Variants in CDIN1 observed in about 807,000 individuals in gnomAD.
The protein encoded by CDIN1 is CDAN1 interacting nuclease 1.
In CDIN1, 33 loss-of-function variants were observed where a neutral mutation model predicts 45.3. The observed-to-expected ratio is 0.73, with a 90% CI of 0.55 to 0.97. The LOEUF (loss-of-function observed/expected upper bound fraction) is 0.97. CDIN1 is among the 50% of genes least tolerant of loss of function. The pLI is 0.00. For missense variants in CDIN1, 303 were observed against 339.4 expected (o/e 0.89, Z 0.84); for synonymous variants, 118 against 124.4 (o/e 0.95, Z 0.34).
intron 10 of CDIN1, among the ~76,000 whole-genome samples, chr15:36,804,915 T>C (rs982343302): frequency 6.6e-6 from 1 of 151,858 alleles, no homozygotes; most frequent in Admixed American, 6.6e-5. Context: ...CCTCAAGTGA[T>C]TGGCCTGCCT....
At chr15:36,618,761 CAAAA>C (rs34933565) in intron 1 of CDIN1, 3,672 of 602,724 alleles carry the variant, frequency 6.1e-3, no homozygotes, top group Middle Eastern at 8.4e-3. Context: ...ACAACTCAGC[CAAAA>C]AAAAAAAAAA....
chr15:36,766,758 A>G (rs2053935568), intron 10 of CDIN1, among the ~76,000 whole-genome samples: 1 of 152,120 alleles, frequency 6.6e-6, no homozygotes, highest in South Asian at 2.1e-4. Flanking sequence ...CCCATTTTTA[A>G]TAGGGTTACT....
At chr15:36,802,924 A>G (rs917135769) in intron 10 of CDIN1, among the ~76,000 whole-genome samples, 3 of 152,174 alleles carry the variant, frequency 2.0e-5, no homozygotes. Context: ...TTTTAAAAAT[A>G]CATTAACAGC....
chr15:36,695,807 A>AGCCTGGGCAAGAC (rs143052960), intron 7 of CDIN1, among the ~76,000 whole-genome samples: 3,920 of 152,060 alleles, frequency 0.026, 172 homozygotes, highest in African/African-American at 0.09. Flanking sequence ...AGATTGTGCC[A>AGCCTGGGCAAGAC]CTGCACTCCA....
At chr15:36,742,204 G>C (rs928863700) in intron 10 of CDIN1, among the ~76,000 whole-genome samples, 73 of 152,148 alleles carry the variant, frequency 4.8e-4, no homozygotes, top group African/African-American at 1.7e-3. Flanking sequence ...CATTCATCTG[G>C]ACCACCGTCA....
chr15:36,691,291 TCTGACCTGTCTTC>T (rs1566904043), intron 5 of CDIN1: 1 of 420,922 alleles, frequency 2.4e-6, no homozygotes, highest in Non-Finnish European at 4.5e-6. Flanking sequence ...AGACTTCAGA[TCTGACCTGTCTTC>T]ATTAAACTCT....
chr15:36,676,099 C>T (rs973337896), intron 5 of CDIN1, among the ~76,000 whole-genome samples: 4 of 152,012 alleles, frequency 2.6e-5, no homozygotes, highest in Admixed American at 1.3e-4. Flanking sequence ...AAGCACTGTC[C>T]CTGGCTGTAA....
intron 5 of CDIN1, among the ~76,000 whole-genome samples, chr15:36,689,259 G>A (rs1307230752): frequency 6.6e-6 from 1 of 151,994 alleles, no homozygotes; most frequent in Non-Finnish European, 1.5e-5. Context: ...GAAAATAAAT[G>A]ACTACTTTTC....
chr15:36,751,148 TTAAC>T (rs1488498845), intron 10 of CDIN1, among the ~76,000 whole-genome samples: 3 of 149,790 alleles, frequency 2.0e-5, no homozygotes, highest in African/African-American at 7.3e-5. Context: ...TTTTTACTAC[TTAAC>T]TAAGTGTTCT....
chr15:36,757,551 A>C (rs563961282), intron 10 of CDIN1, among the ~76,000 whole-genome samples: 137 of 152,332 alleles, frequency 9.0e-4, no homozygotes, highest in Non-Finnish European at 1.5e-3. Context: ...GATAAGTTTT[A>C]AGTTGAGCAC....
intron 5 of CDIN1, among the ~76,000 whole-genome samples, chr15:36,686,542 TA>T (rs2042054324): frequency 6.9e-6 from 1 of 145,034 alleles, no homozygotes. Flanking sequence ...ACATGTACCC[TA>T]AAACTTAAAG....
At chr15:36,607,589 CCCTT>C (rs912942220) in intron 1 of CDIN1, among the ~76,000 whole-genome samples, 3 of 152,082 alleles carry the variant, frequency 2.0e-5, no homozygotes, top group African/African-American at 4.8e-5. Flanking sequence ...TTCCCTCCCT[CCCTT>C]CCTCCCTCTT....
chr15:36,722,331 C>T (rs1330443634), intron 10 of CDIN1, among the ~76,000 whole-genome samples: 2 of 134,224 alleles, frequency 1.5e-5, no homozygotes, highest in Non-Finnish European at 3.3e-5. Flanking sequence ...CTCTCTCTCT[C>T]TCTCTCTCAG....
chr15:36,608,007 C>T (rs1018955814), intron 1 of CDIN1, among the ~76,000 whole-genome samples: 4 of 152,126 alleles, frequency 2.6e-5, no homozygotes, highest in Non-Finnish European at 5.9e-5. Flanking sequence ...GGGATTCATT[C>T]GTGTTGTCTC....
chr15:36,758,567 A>G (rs2053671892), intron 10 of CDIN1, among the ~76,000 whole-genome samples: 1 of 152,150 alleles, frequency 6.6e-6, no homozygotes, highest in Non-Finnish European at 1.5e-5. Context: ...TGCACCTGCG[A>G]CAGTCTTTTT....
intron 1 of CDIN1, among the ~76,000 whole-genome samples, chr15:36,632,025 G>A (rs2140353685): frequency 6.6e-6 from 1 of 152,042 alleles, no homozygotes; most frequent in Admixed American, 6.5e-5. Flanking sequence ...TGTAGAGATG[G>A]AGTCTAACTA....
chr15:36,580,059 G>C (rs2036971166), intron 1 of CDIN1, 98 bp downstream of exon 1: 1 of 1,030,956 alleles, frequency 9.7e-7, no homozygotes, highest in African/African-American at 1.6e-5. Flanking sequence ...ACACATGAGT[G>C]GGGAGGAACA....
At chr15:36,791,014 G>A (rs545471375) in intron 10 of CDIN1, among the ~76,000 whole-genome samples, 10 of 152,176 alleles carry the variant, frequency 6.6e-5, no homozygotes, top group South Asian at 2.1e-4. Context: ...GTCCACCCTC[G>A]AGTAGGTCCC....
At chr15:36,754,145 C>T (rs1358310499) in intron 10 of CDIN1, among the ~76,000 whole-genome samples, 1 of 152,192 alleles carries the variant, frequency 6.6e-6, no homozygotes, top group Non-Finnish European at 1.5e-5. Flanking sequence ...TCTTCTCCCA[C>T]AGTGGCCCTC....
Sources: gnomAD v4.1 joint callset for allele counts (sites outside exome capture counted in the v4.1 genomes callset) on GRCh38, gnomAD v4.1.1 for gene constraint, MANE v1.5 for transcripts, NCBI Gene and HGNC (gene_info 2026-07-23, HGNC 2026-07-21) for gene names.